The following RNPEP variants were observed in gnomAD, a reference collection of about 807,000 sequenced individuals.
RNPEP encodes aminopeptidase B.
Under a neutral mutation model 70.1 loss-of-function variants are expected in RNPEP, and 57 were observed. The ratio of observed to expected loss-of-function variants is 0.81; its 90% CI spans 0.66 to 1.01. RNPEP has a LOEUF of 1.01. Ranked by LOEUF, RNPEP falls within the 50% of genes least tolerant of loss-of-function variation. The pLI, the probability that RNPEP is intolerant of heterozygous loss-of-function variation, is 0.00. For synonymous variants in RNPEP, 335 were observed against 357.4 expected, an observed-to-expected ratio of 0.94 and a Z score of 0.71; for missense variants, 787 against 852.4, an observed-to-expected ratio of 0.92 and a Z score of 0.96.
At chr1:201,997,600 A>T (rs921630429) in intron 5 of RNPEP, 46 bp downstream of exon 5, 2 of 1,457,414 alleles carry the variant, frequency 1.4e-6, no homozygotes, top group African/African-American at 2.8e-5. Flanking sequence ...CCCATTCTTA[A>T]CCTGTGGGGC....
chr1:201,983,953 G>GACTCT, intron 1 of RNPEP: 2 of 861,256 alleles, frequency 2.3e-6, no homozygotes, highest in Non-Finnish European at 1.4e-6. Context: ...ATTTATTTGA[G>GACTCT]GCAGAGTCTC....
chr1:201,983,867 C>G, intron 1 of RNPEP: 2 of 997,860 alleles, frequency 2.0e-6, no homozygotes, highest in Non-Finnish European at 2.4e-6. Flanking sequence ...TAGGCTGTGG[C>G]TGCCAGTTAT....
chr1:202,005,890 C>A lies in RNPEP; in HGVS notation c.*174C>A. 1 of 749,532 alleles carries A rather than the reference C, an allele frequency of 1.3e-6. No individual in the cohort carries two copies. The highest frequency in any genetic ancestry group is 1.9e-5 in the South Asian group (1 of 53,768). 46.4% of individuals were successfully genotyped at this position (749,532 alleles called of 1,614,324 possible). A position where few individuals can be genotyped will look rare whatever the true frequency, so the allele number is the denominator to read the frequency against. ...GGGCCTCTGCTCTGGTGGGAACTTA[C>A]TTCTCTATAGCCCACTGAGCCCCGA... On this transcript the variant is annotated 3_prime_UTR_variant, in exon 11 of 11. Transcript: ENST00000295640.
intron 10 of RNPEP, 116 bp from the exon 11 acceptor site, chr1:202,005,442 C>T: frequency 8.5e-6 from 10 of 1,178,880 alleles, no homozygotes; most frequent in Non-Finnish European, 1.2e-5. Flanking sequence ...AGCTGTGATG[C>T]CCACATCCCT....
chr1:201,983,019 A>G lies in RNPEP; in HGVS notation c.353A>G (p.Tyr118Cys), dbSNP rs770981402. 7.2e-6 allele frequency: 11 copies of G among 1,524,280 alleles called. No individual in the cohort carries two copies. Among genetic ancestry groups the G allele is most frequent in the East Asian group, 2.7e-5 (1 of 37,052 alleles). The allele number at this position is 1,524,280 out of a possible 1,614,324, so 94.4% of individuals were successfully genotyped here. Residue 118 changes from tyrosine (Y) to cysteine (C), a missense_variant, in exon 1 of 11, where the codon TAT becomes TGT. Physicochemically the swap from Tyr to Cys is radical, Grantham distance 194 (BLOSUM62 -2). Transcript: ENST00000295640. ...VSFYTQPFSH[Y>C]GQALCVSFPQ... ...TTCTACACGCAGCCCTTCTCGCACT[A>G]TGGCCAGGCCCTGTGCGTGTCCTTC...
chr1:201,997,593 A>C, intron 5 of RNPEP, 39 bp downstream of exon 5: 1 of 1,518,648 alleles, frequency 6.6e-7, no homozygotes, highest in East Asian at 2.3e-5. Flanking sequence ...TCTGCCTCCC[A>C]TTCTTAACCT....
intron 4 of RNPEP, among the ~76,000 whole-genome samples, 159 bp from the exon 5 acceptor site, chr1:201,997,160 A>AG (rs1419341409): frequency 7.0e-6 from 1 of 143,814 alleles, no homozygotes; most frequent in Non-Finnish European, 1.6e-5. Flanking sequence ...AGAAGCATTG[A>AG]GGAGCCTGGG....
intron 3 of RNPEP, among the ~76,000 whole-genome samples, chr1:201,989,927 C>T (rs137958369): frequency 9.2e-5 from 14 of 152,102 alleles, no homozygotes; most frequent in African/African-American, 3.4e-4. Context: ...TCACTGCAAC[C>T]TCTGCCTCCT....
intron 3 of RNPEP, among the ~76,000 whole-genome samples, chr1:201,991,128 T>C (rs1235077695): frequency 1.3e-5 from 2 of 152,130 alleles, no homozygotes; most frequent in African/African-American, 4.8e-5. Flanking sequence ...TTATTTATTA[T>C]TTTTGAGATG....
Position 202,001,697 on chromosome 1 carries a change from C to T in RNPEP, c.1356C>T (p.Ala452=), listed in dbSNP as rs1161155226. The part of the protein sequence containing the change: ...VHEFKFRSIL[A]DDFLDFYLEY... ...AATTCAAATTCCGAAGCATCTTAGC[C>T]GATGACTTTCTGGACTTCTACTTGG... Residue 452 remains alanine (A), a synonymous_variant, in exon 8 of 11, where the codon GCC becomes GCT. Coordinates refer to ENST00000295640, the MANE Select transcript of RNPEP (RefSeq NM_020216.4). 8.1e-6 allele frequency: 13 copies of T among 1,613,722 alleles called. No individual in the cohort carries two copies. Among genetic ancestry groups the T allele is most frequent in the Non-Finnish European group, 1.0e-5 (12 of 1,179,712 alleles).
intron 1 of RNPEP, among the ~76,000 whole-genome samples, chr1:201,984,806 CTT>C (rs1436374042): frequency 8.6e-6 from 1 of 116,228 alleles, no homozygotes; most frequent in East Asian, 2.6e-4. Flanking sequence ...TTACTGCTAA[CTT>C]TTGTATTTCT....
intron 3 of RNPEP, among the ~76,000 whole-genome samples, chr1:201,994,732 T>C (rs1262661683): frequency 6.7e-6 from 1 of 150,290 alleles, no homozygotes; most frequent in Non-Finnish European, 1.5e-5. Flanking sequence ...GATGGTGCAA[T>C]CTTGGCTCCC....
At chr1:201,999,689 C>A (rs915864623) in intron 5 of RNPEP, among the ~76,000 whole-genome samples, 1 of 152,200 alleles carries the variant, frequency 6.6e-6, no homozygotes, top group Non-Finnish European at 1.5e-5. Flanking sequence ...TCCTTTGTAG[C>A]CCACAGCAAC....
chr1:201,989,811 T>C (rs1343664211), intron 3 of RNPEP, among the ~76,000 whole-genome samples: 3 of 152,032 alleles, frequency 2.0e-5, no homozygotes, highest in Non-Finnish European at 4.4e-5. Context: ...CAGAGGGATG[T>C]TGGAATTTAG....
chr1:201,988,862 T>C, intron 1 of RNPEP, 42 bp from the exon 2 acceptor site: 1 of 1,577,450 alleles, frequency 6.3e-7, no homozygotes, highest in South Asian at 1.2e-5. Context: ...ACTGAGCTCG[T>C]GTGGGAGATG....
Position 202,003,268 on chromosome 1 carries a change from C to T in RNPEP, c.1458C>T (p.Pro486=), listed in dbSNP as rs61402215. The change falls in exon 9 of 11, where the codon CCC becomes CCT. Residue 486 remains proline, a synonymous_variant. Transcript: ENST00000295640. Reference sequence around the variant, plus strand: ...AGTTTGATCGATGGCTGAATACCCCCGGCTGGCCCCCGTACCTCCCTGATC... The same window carrying T: ...AGTTTGATCGATGGCTGAATACCCCTGGCTGGCCCCCGTACCTCCCTGATC... ...GFEFDRWLNT[P]GWPPYLPDLS... 5.7e-5 allele frequency: 92 copies of T among 1,613,600 alleles called. No homozygotes were observed. The highest frequency in any genetic ancestry group is 4.0e-4 in the East Asian group (18 of 44,860).
chr1:202,000,301 A>G (rs531128665), intron 6 of RNPEP: 76 of 309,266 alleles, frequency 2.5e-4, no homozygotes, highest in South Asian at 1.6e-3. Context: ...GCATTCCTTC[A>G]TGATCATCAG....
chr1:202,001,002 G>T, intron 6 of RNPEP: 1 of 201,338 alleles, frequency 5.0e-6, no homozygotes, highest in South Asian at 1.1e-4. Flanking sequence ...AAATGCTGAT[G>T]GAACCTACCC....
At chr1:201,994,359 C>T (rs1416585838) in intron 3 of RNPEP, among the ~76,000 whole-genome samples, 3 of 152,158 alleles carry the variant, frequency 2.0e-5, no homozygotes, top group Admixed American at 2.0e-4. Flanking sequence ...TCTGAAGGTC[C>T]GGTTCTGTAA....
Sources: allele counts gnomAD v4.1 joint callset (sites outside exome capture counted in the v4.1 genomes callset), GRCh38; gene constraint gnomAD v4.1.1; transcripts MANE v1.5; gene names NCBI Gene and HGNC (gene_info 2026-07-23, HGNC 2026-07-21).